The following CFAP53 variants were observed in gnomAD, a reference collection of about 807,000 sequenced individuals.
The protein encoded by CFAP53 is cilia- and flagella-associated protein 53.
In CFAP53, 62 loss-of-function variants were observed where a neutral mutation model predicts 59.7. That is an observed-to-expected ratio of 1.04 (90% CI 0.85 to 1.28). CFAP53 has a LOEUF of 1.28. Ranked by LOEUF, CFAP53 falls within the 50% of genes most tolerant of loss-of-function variation. CFAP53 has a pLI of 0.00. For synonymous variants in CFAP53, 218 were observed against 205.7 expected, an observed-to-expected ratio of 1.06 and a Z score of -0.51; for missense variants, 629 against 615.6, an observed-to-expected ratio of 1.02 and a Z score of -0.23.
intron 6 of CFAP53, among the ~76,000 whole-genome samples, chr18:50,240,145 TCTGCCCCACCCTGACTCATTCAAATTAC>T (rs2033675430): frequency 6.9e-6 from 1 of 145,434 alleles, no homozygotes; most frequent in South Asian, 2.2e-4. Context: ...ATTCTGATCA[TCTGCCCCACCCTGACTCATTCAAATTAC>T]CTGCCCCACC....
chr18:50,246,292 T>C (rs960399906), intron 5 of CFAP53, among the ~76,000 whole-genome samples: 1 of 152,226 alleles, frequency 6.6e-6, no homozygotes, highest in South Asian at 2.1e-4. Flanking sequence ...ATTGATGGAA[T>C]AGAACTGAGT....
chr18:50,252,776 C>T lies in CFAP53; in HGVS notation c.474-992G>A, dbSNP rs924966887. On this transcript the variant is annotated intron_variant, in intron 3 of 7. Coordinates refer to ENST00000398545, the MANE Select transcript of CFAP53 (RefSeq NM_145020.5). ...GTGACTCATATCTGTAATCCCAACA[C>T]TTTGGGAGGCCAAGGCAGGAGGATC... 4.6e-5 allele frequency among the ~76,000 whole-genome samples: 7 copies of T among 152,298 alleles called. No individual in the cohort carries two copies. The East Asian group carries it at 9.7e-4, about 21-fold the overall frequency.
chr18:50,249,767 T>G (rs531191890), intron 5 of CFAP53, among the ~76,000 whole-genome samples: 16 of 152,250 alleles, frequency 1.1e-4, no homozygotes, highest in African/African-American at 3.9e-4. Context: ...ATCCTGGTGA[T>G]GATGAGATGT....
chr18:50,249,896 T>C (rs2144420980), intron 5 of CFAP53, among the ~76,000 whole-genome samples: 1 of 152,298 alleles, frequency 6.6e-6, no homozygotes, highest in African/African-American at 2.4e-5. Flanking sequence ...GTATTATTTC[T>C]TAAAACTGCA....
intron 5 of CFAP53, among the ~76,000 whole-genome samples, chr18:50,245,502 T>A (rs1284859406): frequency 6.6e-6 from 1 of 151,944 alleles, no homozygotes; most frequent in Non-Finnish European, 1.5e-5. Flanking sequence ...AAAATGAAAT[T>A]AAAAATTTTA....
At chr18:50,228,325 A>G (rs1224480978) in intron 7 of CFAP53, among the ~76,000 whole-genome samples, 2 of 152,006 alleles carry the variant, frequency 1.3e-5, no homozygotes, top group Admixed American at 6.6e-5. Flanking sequence ...TCAAAGGGCC[A>G]CATCCCCGCA....
At chr18:50,240,048 CCTT>C (rs532850326) in intron 6 of CFAP53, among the ~76,000 whole-genome samples, 31 of 152,340 alleles carry the variant, frequency 2.0e-4, no homozygotes, top group Admixed American at 1.3e-3. Flanking sequence ...CATAAAGTGA[CCTT>C]TTTTGATCAA....
chr18:50,235,451 C>A (rs992947306), intron 7 of CFAP53, among the ~76,000 whole-genome samples: 9 of 152,008 alleles, frequency 5.9e-5, no homozygotes, highest in Admixed American at 5.2e-4. Flanking sequence ...CCTGTAACCC[C>A]AGCTACTTGG....
intron 5 of CFAP53, among the ~76,000 whole-genome samples, chr18:50,247,685 T>C (rs112488770): frequency 5.3e-5 from 8 of 152,206 alleles, no homozygotes; most frequent in African/African-American, 9.6e-5. Context: ...GAAAACATTA[T>C]GCTAAGTGAA....
At chr18:50,229,926 T>G (rs965795977) in intron 7 of CFAP53, among the ~76,000 whole-genome samples, 3 of 151,916 alleles carry the variant, frequency 2.0e-5, no homozygotes, top group African/African-American at 4.8e-5. Context: ...TTTTTTGTTG[T>G]TGTTGTATTT....
intron 6 of CFAP53, among the ~76,000 whole-genome samples, chr18:50,241,480 A>C (rs2033689285): frequency 6.6e-6 from 1 of 152,208 alleles, no homozygotes; most frequent in African/African-American, 2.4e-5. Context: ...AGACAACGAC[A>C]TAAACAAAGG....
chr18:50,253,897 C>T (rs956741459), intron 3 of CFAP53, among the ~76,000 whole-genome samples: 1 of 152,120 alleles, frequency 6.6e-6, no homozygotes, highest in Non-Finnish European at 1.5e-5. Context: ...TTAATAAAAA[C>T]ACCCCAAAAC....
chr18:50,254,691 C>T (rs1421049114), intron 3 of CFAP53, among the ~76,000 whole-genome samples: 2 of 152,160 alleles, frequency 1.3e-5, no homozygotes, highest in East Asian at 1.9e-4. Flanking sequence ...GAGTTCAAGA[C>T]CAGCCTGACC....
chr18:50,236,300 C>T (rs1302704541), intron 7 of CFAP53, among the ~76,000 whole-genome samples: 2 of 152,154 alleles, frequency 1.3e-5, no homozygotes, highest in Non-Finnish European at 2.9e-5. Flanking sequence ...CCTACTTTCT[C>T]TAGTTAATCT....
At position 50,250,768 on chromosome 18, in the gene CFAP53, T is replaced by G; in HGVS notation, c.986A>C (p.Lys329Thr). ...AAAAAAATGTCTTACTCTTTTTTGT[T>G]TCTTTTTATCTGCCTCTTCCTGTAA... ...QDLQEEADKK[K>T]QKREDMIREQ... is the part of the protein sequence containing the mutation. The change falls in exon 5 of 8, where the codon AAA becomes ACA. Residue 329 changes from lysine to threonine, a missense_variant. Transcript: ENST00000398545. 6.2e-7 allele frequency: 1 copy of G among 1,614,050 alleles called. No homozygotes were observed. Among genetic ancestry groups the G allele is most frequent in the African/African-American group, 1.3e-5 (1 of 75,018 alleles).
intron 1 of CFAP53, among the ~76,000 whole-genome samples, chr18:50,262,767 T>C (rs989002756): frequency 6.6e-6 from 1 of 152,230 alleles, no homozygotes; most frequent in African/African-American, 2.4e-5. Context: ...TGTGTATATG[T>C]ATATGGATAT....
At chr18:50,256,106 C>T (rs988547086) in intron 3 of CFAP53, 1 of 152,100 alleles carries the variant, frequency 6.6e-6, no homozygotes, top group African/African-American at 2.4e-5. Flanking sequence ...ATCTAACTAG[C>T]AAAAACTCAG....
chr18:50,251,551 G>A lies in CFAP53; in HGVS notation c.707C>T (p.Ala236Val), dbSNP rs1458588190. 1 of 1,614,180 alleles carries A rather than the reference G, an allele frequency of 6.2e-7. No homozygotes were observed. Among genetic ancestry groups the A allele is most frequent in the Admixed American group, 1.7e-5 (1 of 60,028 alleles). Reference protein sequence around the residue: ...LMENTRLGLNAQITSIKAQRQ... With the variant: ...LMENTRLGLNVQITSIKAQRQ... ...TTGTGCCTTGATGCTGGTGATCTGG[G>A]CATTCAGCCCCAGGCGTGTGTTCTC... The change falls in exon 4 of 8, where the codon GCC (alanine) becomes GTC (valine). Residue 236 changes from alanine to valine, a missense_variant. By Grantham distance (64) the Ala-to-Val change is moderately conservative. Transcript: ENST00000398545.
intron 1 of CFAP53, among the ~76,000 whole-genome samples, chr18:50,262,584 G>A (rs1212946764): frequency 6.6e-6 from 1 of 152,130 alleles, no homozygotes; most frequent in African/African-American, 2.4e-5. Context: ...AAGAATTAGA[G>A]GTCTTCTAAT....
Sources: allele counts gnomAD v4.1 joint callset (sites outside exome capture counted in the v4.1 genomes callset), GRCh38; gene constraint gnomAD v4.1.1; transcripts MANE v1.5; gene names NCBI Gene and HGNC (gene_info 2026-07-23, HGNC 2026-07-21).